The following GRHL2 variants were observed in gnomAD, a reference collection of about 807,000 sequenced individuals.
The protein encoded by GRHL2 is grainyhead-like protein 2 homolog.
Under a neutral mutation model 83.8 loss-of-function variants are expected in GRHL2, and 21 were observed. The ratio of observed to expected loss-of-function variants is 0.25; its 90% confidence interval spans 0.18 to 0.36. The LOEUF is 0.36. GRHL2 is among the 10% of genes least tolerant of loss of function. The pLI is 1.00. For synonymous variants in GRHL2, 280 were observed against 278.9 expected, an observed-to-expected ratio of 1.00 and a Z score of -0.04; for missense variants, 623 against 781.8, an observed-to-expected ratio of 0.80 and a Z score of 2.42.
intron 14 of GRHL2, among the ~76,000 whole-genome samples, chr8:101,658,664 C>T (rs527803252): frequency 6.6e-6 from 1 of 152,202 alleles, no homozygotes; most frequent in South Asian, 2.1e-4. Context: ...AATCAAACCC[C>T]CAAAAAGAGA....
At chr8:101,659,569 TG>T (rs2129747535) in intron 14 of GRHL2, among the ~76,000 whole-genome samples, 1 of 152,330 alleles carries the variant, frequency 6.6e-6, no homozygotes, top group East Asian at 1.9e-4. Flanking sequence ...TGGCTATGTC[TG>T]GGGTTCTTTT....
intron 8 of GRHL2, among the ~76,000 whole-genome samples, chr8:101,602,405 A>G (rs1457573784): frequency 6.6e-6 from 1 of 152,224 alleles, no homozygotes; most frequent in African/African-American, 2.4e-5. Context: ...AGAAACTTTC[A>G]CAGGCTTCAG....
At chr8:101,638,446 G>T (rs534641917) in intron 12 of GRHL2, among the ~76,000 whole-genome samples, 2 of 152,170 alleles carry the variant, frequency 1.3e-5, no homozygotes, top group African/African-American at 2.4e-5. Flanking sequence ...CTTAAGTAAC[G>T]TGCTACTGGA....
intron 1 of GRHL2, among the ~76,000 whole-genome samples, chr8:101,531,455 G>C (rs570194080): frequency 6.6e-6 from 1 of 152,072 alleles, no homozygotes; most frequent in African/African-American, 2.4e-5. Flanking sequence ...TGCTCAATAA[G>C]TAGTATGATG....
intron 1 of GRHL2, among the ~76,000 whole-genome samples, chr8:101,504,427 G>C (rs186483392): frequency 5.0e-4 from 76 of 152,304 alleles, no homozygotes; most frequent in Non-Finnish European, 7.9e-4. Flanking sequence ...AACTCAGTTT[G>C]TTCCACTCAG....
intron 2 of GRHL2, among the ~76,000 whole-genome samples, chr8:101,545,343 A>G (rs575483601): frequency 1.3e-5 from 2 of 151,126 alleles, no homozygotes; most frequent in African/African-American, 4.9e-5. Flanking sequence ...GAAGGACCTT[A>G]ACTTTGGGGG....
intron 14 of GRHL2, among the ~76,000 whole-genome samples, chr8:101,663,928 T>C (rs893589283): frequency 6.6e-6 from 1 of 152,064 alleles, no homozygotes; most frequent in Non-Finnish European, 1.5e-5. Context: ...TGTACTGCGT[T>C]TTTAAAGTTG....
At chr8:101,675,205 C>G in the GRHL2 span, among the ~76,000 whole-genome samples, 7 of 152,048 alleles carry the variant, frequency 4.6e-5, no homozygotes, top group Admixed American at 6.5e-5. Context: ...GAAGTTCTGG[C>G]CAGGGCAATT....
chr8:101,632,228 T>A lies in GRHL2; in HGVS notation c.1348T>A (p.Ser450Thr), dbSNP rs141136371. 6.8e-5 allele frequency: 109 copies of A among 1,613,714 alleles called. No homozygotes were observed. The highest frequency in any genetic ancestry group is 8.6e-5 in the Non-Finnish European group (102 of 1,179,744). ...QASQTQCNSS[S>T]DGKLAAIPLQ... ...TGAGTTTGTGTGATCCCATCCAGCC[T>A]CTGATGGGAAGTTGGCTGCCATACC... Residue 450 changes from serine to threonine, a missense_variant and splice_region_variant, in exon 11 of 16, where the codon TCT (serine) becomes ACT (threonine). Ser to Thr is a moderately conservative substitution (Grantham distance 58). This residue lies in a region of GRHL2 where 210 missense variants were observed against 254.8 expected (regional missense o/e 0.82). Coordinates refer to ENST00000646743, the MANE Select transcript of GRHL2 (RefSeq NM_024915.4).
intron 9 of GRHL2, among the ~76,000 whole-genome samples, chr8:101,626,903 G>A (rs749929042): frequency 3.3e-5 from 5 of 151,964 alleles, no homozygotes; most frequent in Admixed American, 6.6e-5. Context: ...GAAGCTTCCC[G>A]GGGTCACTGT....
intron 8 of GRHL2, among the ~76,000 whole-genome samples, chr8:101,617,435 C>G (rs1158464470): frequency 2.0e-5 from 3 of 152,154 alleles, no homozygotes; most frequent in Non-Finnish European, 4.4e-5. Flanking sequence ...TGCCAAAAGC[C>G]TACAGGCTTT....
At chr8:101,586,062 T>TTTC (rs1257570973) in intron 7 of GRHL2, among the ~76,000 whole-genome samples, 27 of 48,080 alleles carry the variant, frequency 5.6e-4, no homozygotes, top group African/African-American at 1.3e-3. Flanking sequence ...CCACCTCATG[T>TTTC]TTCTTTTTTT....
chr8:101,586,065 CTTTTTTTTTTT>C lies in GRHL2; in HGVS notation c.1003+8561_1003+8571del, dbSNP rs67985027. 4.9e-3 allele frequency among the ~76,000 whole-genome samples: 460 copies of C among 94,380 alleles called. 10 individuals are homozygous for C. The highest frequency in any genetic ancestry group is 0.018 in the African/African-American group (420 of 23,318). 61.9% of individuals were successfully genotyped at this position (94,380 alleles called of 152,430 possible). A position where few individuals can be genotyped will look rare whatever the true frequency, so the allele number is the denominator to read the frequency against. On this transcript the variant is annotated intron_variant, in intron 7 of 15. Transcript: ENST00000646743. ...TCTTCTTTCCTTCCACCTCATGTTT[CTTTTTTTTTTT>C]TTTTTTTTTTTTTTGAGACGGAGTC...
At chr8:101,495,032 C>A (rs1394163896) in intron 1 of GRHL2, among the ~76,000 whole-genome samples, 2 of 152,160 alleles carry the variant, frequency 1.3e-5, no homozygotes, top group Admixed American at 1.3e-4. Flanking sequence ...ATCATTTTTG[C>A]GAATTCTAGC....
intron 1 of GRHL2, among the ~76,000 whole-genome samples, chr8:101,539,898 C>T (rs77859569): frequency 0.015 from 2,287 of 152,268 alleles, 28 homozygotes; most frequent in Non-Finnish European, 0.022. Flanking sequence ...CTTTCTCACA[C>T]GCATGGCCCT....
intron 4 of GRHL2, among the ~76,000 whole-genome samples, chr8:101,562,658 T>A (rs1254653156): frequency 6.6e-6 from 1 of 152,208 alleles, no homozygotes; most frequent in Non-Finnish European, 1.5e-5. Context: ...ATTCATTGAA[T>A]TGCCTTGGGA....
intron 1 of GRHL2, among the ~76,000 whole-genome samples, chr8:101,500,037 C>G (rs1196472982): frequency 6.6e-6 from 1 of 152,060 alleles, no homozygotes; most frequent in Non-Finnish European, 1.5e-5. Context: ...GATCGCACCA[C>G]TGCACTCCAG....
intron 8 of GRHL2, among the ~76,000 whole-genome samples, chr8:101,614,265 C>T (rs1172885833): frequency 6.6e-6 from 1 of 150,938 alleles, no homozygotes; most frequent in Non-Finnish European, 1.5e-5. Context: ...TATGAGACTG[C>T]TTCTATTTCT....
At chr8:101,512,037 A>G (rs1488397501) in intron 1 of GRHL2, among the ~76,000 whole-genome samples, 3 of 152,080 alleles carry the variant, frequency 2.0e-5, no homozygotes, top group African/African-American at 4.8e-5. Context: ...TGTTACATTG[A>G]TCTATTTATG....
Sources: allele counts gnomAD v4.1 joint callset (sites outside exome capture counted in the v4.1 genomes callset), GRCh38; gene constraint gnomAD v4.1.1; regional missense constraint gnomAD v4.1.1; transcripts MANE v1.5; gene names NCBI Gene and HGNC (gene_info 2026-07-23, HGNC 2026-07-21).